Variants in VWA5B1 observed in about 807,000 individuals in gnomAD.
VWA5B1 encodes the protein von Willebrand factor A domain-containing protein 5B1.
In VWA5B1, 115 loss-of-function variants were observed where a neutral mutation model predicts 118.2. That is an observed-to-expected ratio of 0.97 (90% CI 0.84 to 1.14). The LOEUF is 1.14. Ranked by LOEUF, VWA5B1 falls within the 50% of genes most tolerant of loss-of-function variation. VWA5B1 has a pLI of 0.00. For synonymous variants in VWA5B1, 682 were observed against 658.4 expected (o/e 1.04, Z -0.55); for missense variants, 1,596 against 1,603.8 (o/e 1.00, Z 0.08).
At chr1:20,303,077 C>G (rs1033429503) in intron 1 of VWA5B1, 6 of 152,208 alleles carry the variant, frequency 3.9e-5, no homozygotes, top group African/African-American at 1.4e-4. Context: ...ACCGACTTGG[C>G]CCCACTTTGA....
chr1:20,334,560 C>T (rs1480057979), intron 12 of VWA5B1, among the ~76,000 whole-genome samples: 2 of 152,208 alleles, frequency 1.3e-5, no homozygotes, highest in African/African-American at 4.8e-5. Flanking sequence ...CCTATAATCC[C>T]AGCACTTTGG....
At chr1:20,330,492 A>T (rs1405082972) in intron 10 of VWA5B1, 110 bp downstream of exon 10, 1 of 1,292,168 alleles carries the variant, frequency 7.7e-7, no homozygotes, top group African/African-American at 1.5e-5. Flanking sequence ...AGGACCCACA[A>T]TTCCCAAAGG....
In VWA5B1 at chr1:20,357,434, C is replaced by T. The variant is rs557356910; in HGVS notation, c.*3171C>T. Among the ~76,000 whole-genome samples, 5 of 152,330 alleles carry T rather than the reference C, an allele frequency of 3.3e-5. No homozygotes were observed. Among genetic ancestry groups the T allele is most frequent in the East Asian group, 1.9e-4 (1 of 5,184 alleles). ...TTCTTTAGATTAGGACAACCTGACC[C>T]GTTAATATGTTACTGTGCGTTGTCA... On this transcript the variant is annotated 3_prime_UTR_variant, in exon 22 of 22. Transcript: ENST00000289815.
At chr1:20,299,684 G>A (rs887648949) in intron 1 of VWA5B1, among the ~76,000 whole-genome samples, 6 of 152,226 alleles carry the variant, frequency 3.9e-5, no homozygotes, top group Admixed American at 3.3e-4. Context: ...GATTACAGGC[G>A]TGAGCCACCA....
intron 16 of VWA5B1, among the ~76,000 whole-genome samples, chr1:20,344,592 C>T (rs535151650): frequency 6.6e-6 from 1 of 152,146 alleles, no homozygotes; most frequent in South Asian, 2.1e-4. Context: ...ATAACAGGGA[C>T]GGTGGGGGAG....
intron 1 of VWA5B1, among the ~76,000 whole-genome samples, chr1:20,305,603 A>C (rs1449923267): frequency 6.6e-6 from 1 of 152,100 alleles, no homozygotes; most frequent in African/African-American, 2.4e-5. Context: ...GAGAGGCACA[A>C]GATCTGGGGG....
chr1:20,351,002 C>A, intron 20 of VWA5B1, 76 bp downstream of exon 20: 9 of 1,415,364 alleles, frequency 6.4e-6, no homozygotes, highest in Non-Finnish European at 8.8e-6. Context: ...TTTTCCCTGA[C>A]TTGGAAGGCC....
chr1:20,331,048 T>A (rs2089539342), intron 11 of VWA5B1, 65 bp downstream of exon 11: 1 of 1,368,244 alleles, frequency 7.3e-7, no homozygotes, highest in Non-Finnish European at 9.9e-7. Context: ...ACCAGTCACA[T>A]GGCAACTCAG....
At position 20,357,008 on chromosome 1, in the gene VWA5B1, C is replaced by G. The variant is rs2090241817; in HGVS notation, c.*2745C>G. Among the ~76,000 whole-genome samples the G allele has an allele frequency of 6.6e-6, 1 of 152,244 alleles. No individual in the cohort carries two copies. The highest frequency in any genetic ancestry group is 1.9e-4 in the East Asian group (1 of 5,206). The stretch of plus-strand genomic sequence containing the variant: ...TTCTCAAGCAGGGAACACATTGCCC[C>G]TGCAATCTCATTTACTTTGGGTTAA... On this transcript the variant is annotated 3_prime_UTR_variant, in exon 22 of 22. Coordinates refer to ENST00000289815, the MANE Select transcript of VWA5B1 (RefSeq NM_001039500.3).
chr1:20,333,791 A>C (rs995377004), intron 12 of VWA5B1, among the ~76,000 whole-genome samples: 4 of 152,206 alleles, frequency 2.6e-5, no homozygotes. Context: ...TTGCCAAAGA[A>C]GCTGTTTCCT....
At chr1:20,333,069 CTGTGGGTTTACAGTTTTCCCAGT>C (rs1182130246) in intron 12 of VWA5B1, 118 bp downstream of exon 12, 2 of 1,270,410 alleles carry the variant, frequency 1.6e-6, no homozygotes, top group Admixed American at 5.0e-5. Flanking sequence ...GGGTTTGCAG[CTGTGGGTTTACAGTTTTCCCAGT>C]TGTGGGTTTA....
rs137888616 is a variant in VWA5B1 at position 20,319,555 on chromosome 1, G to T, written c.966+49G>T. The T allele has an allele frequency of 5.8e-6, 9 of 1,546,896 alleles. No homozygotes were observed. The South Asian group carries it at 1.1e-4, about 19-fold the overall frequency. On this transcript the variant is annotated intron_variant, in intron 7 of 21. Coordinates refer to ENST00000289815, the MANE Select transcript of VWA5B1 (RefSeq NM_001039500.3). Reference sequence around the variant, plus strand: ...CGGACGGTGGCAGAGTTGGGGTGGCGCTGAGGCCTGGTCTCCACTGAACAA... The same window carrying T: ...CGGACGGTGGCAGAGTTGGGGTGGCTCTGAGGCCTGGTCTCCACTGAACAA...
At chr1:20,344,956 T>G (rs537608252) in intron 16 of VWA5B1, among the ~76,000 whole-genome samples, 2 of 152,058 alleles carry the variant, frequency 1.3e-5, no homozygotes, top group African/African-American at 2.4e-5. Context: ...CCATCCTGAG[T>G]CGTGATCTCA....
chr1:20,330,441 A>G, intron 10 of VWA5B1, 59 bp downstream of exon 10: 1 of 1,539,930 alleles, frequency 6.5e-7, no homozygotes, highest in Non-Finnish European at 8.8e-7. Context: ...CTGGGGCGCC[A>G]GAGCCCAAGG....
chr1:20,348,396 C>T (rs1381540048), intron 18 of VWA5B1, 38 bp downstream of exon 18: 15 of 1,547,722 alleles, frequency 9.7e-6, no homozygotes, highest in Non-Finnish European at 1.3e-5. Context: ...ACCCTGGGCA[C>T]TTTCGGAAGC....
intron 18 of VWA5B1, chr1:20,349,391 AT>A (rs1320105555): frequency 6.5e-6 from 1 of 153,748 alleles, no homozygotes; most frequent in Non-Finnish European, 1.4e-5. Context: ...TTATTTATTT[AT>A]TTATTTATTT....
chr1:20,335,876 CA>C (rs1212892398), intron 12 of VWA5B1, among the ~76,000 whole-genome samples: 1 of 152,058 alleles, frequency 6.6e-6, no homozygotes, highest in African/African-American at 2.4e-5. Flanking sequence ...AGCCGACACT[CA>C]GTGTAACTTT....
chr1:20,350,593 A>G (rs983502265), intron 19 of VWA5B1, among the ~76,000 whole-genome samples: 1 of 152,214 alleles, frequency 6.6e-6, no homozygotes, highest in African/African-American at 2.4e-5. Flanking sequence ...TGAAGCTGTC[A>G]CTGTCCCCAC....
chr1:20,304,601 A>G (rs1360400248), intron 1 of VWA5B1, among the ~76,000 whole-genome samples: 2 of 150,912 alleles, frequency 1.3e-5, no homozygotes, highest in Non-Finnish European at 3.0e-5. Flanking sequence ...GTGGTGACAG[A>G]GGGGACCAGA....
Sources: gnomAD v4.1 joint callset for allele counts (sites outside exome capture counted in the v4.1 genomes callset) on GRCh38, gnomAD v4.1.1 for gene constraint, MANE v1.5 for transcripts, NCBI Gene and HGNC (gene_info 2026-07-23, HGNC 2026-07-21) for gene names.